The following RC3H2 variants were observed in gnomAD, a reference collection of about 807,000 sequenced individuals.
RC3H2 encodes the protein ring finger and CCCH-type domains 2.
In RC3H2, 31 loss-of-function variants were observed where a neutral mutation model predicts 133.3. That is an observed-to-expected ratio of 0.23 (90% CI 0.17 to 0.31). The LOEUF (loss-of-function observed/expected upper bound fraction) is 0.31, where lower values mean the gene tolerates loss of function less well. Ranked by LOEUF, RC3H2 falls within the 10% of genes least tolerant of loss-of-function variation. The probability of loss-of-function intolerance (pLI) is 1.00; values close to 1 mark genes in which losing one functional copy is unlikely to be tolerated. For missense variants in RC3H2, 1,175 were observed against 1,437.2 expected, an observed-to-expected ratio of 0.82 and a Z score of 2.95; for synonymous variants, 517 against 502.2, an observed-to-expected ratio of 1.03 and a Z score of -0.40.
intron 1 of RC3H2, chr9:122,897,925 C>CG: frequency 6.3e-6 from 1 of 158,498 alleles, no homozygotes; most frequent in Non-Finnish European, 1.4e-5. Flanking sequence ...GACTGCTGGG[C>CG]GGTTTTTTTG....
rs751890191 is a variant in RC3H2, at chr9:122,865,557, C to T, written c.1426G>A (p.Val476Ile). 6.2e-7 allele frequency: 1 copy of T among 1,614,186 alleles called. No homozygotes were observed. Among genetic ancestry groups the T allele is most frequent in the Non-Finnish European group, 8.5e-7 (1 of 1,180,012 alleles). Residue 476 changes from valine to isoleucine, a missense_variant, in exon 10 of 21, where the codon GTC (valine) becomes ATC (isoleucine). Val to Ile is a conservative substitution (Grantham distance 29). Around this residue, in one of 8 missense-constraint regions of RC3H2, gnomAD observed 490 missense variants for 492.8 expected, o/e 0.99. Transcript: ENST00000357244. ...TCAGTACTTCCTATGACAGAAATGA[C>T]ATTTCCGGCTGTGGTTGTGACAGTG... ...NNTVTTTAGN[V>I]ISVIGSTETT...
intron 1 of RC3H2, 22 bp downstream of exon 1, chr9:122,905,088 A>G: frequency 1.0e-6 from 1 of 985,280 alleles, no homozygotes; most frequent in Non-Finnish European, 1.2e-6. Flanking sequence ...CCCGAGCCGC[A>G]TCGTGCCCGC....
intron 4 of RC3H2, among the ~76,000 whole-genome samples, chr9:122,888,036 C>A (rs953555621): frequency 6.6e-6 from 1 of 152,028 alleles, no homozygotes; most frequent in Non-Finnish European, 1.5e-5. Flanking sequence ...TGAGCCACTG[C>A]GCCTGGCCTT....
intron 10 of RC3H2, among the ~76,000 whole-genome samples, 186 bp downstream of exon 10, chr9:122,865,163 C>T (rs1201061856): frequency 6.6e-6 from 1 of 152,164 alleles, no homozygotes; most frequent in African/African-American, 2.4e-5. Flanking sequence ...TCCAAGTTCA[C>T]AGGGCTATTC....
At chr9:122,853,903 C>A in intron 18 of RC3H2, 49 bp downstream of exon 18, 1 of 1,614,202 alleles carries the variant, frequency 6.2e-7, no homozygotes, top group Non-Finnish European at 8.5e-7. Context: ...GATGCAGCAG[C>A]AGAAAACAAA....
At position 122,849,523 on chromosome 9, in the gene RC3H2, T is replaced by G. The variant is rs1037795985; in HGVS notation, c.*104A>C. 2.4e-6 allele frequency: 1 copy of G among 413,176 alleles called. No homozygotes were observed. Among genetic ancestry groups the G allele is most frequent in the African/African-American group, 2.1e-5 (1 of 46,696 alleles). The allele number at this position is 413,176 out of a possible 1,614,324, so 25.6% of individuals were successfully genotyped here. A position where few individuals can be genotyped will look rare whatever the true frequency, so the allele number is the denominator to read the frequency against. On this transcript the variant is annotated 3_prime_UTR_variant, in exon 21 of 21. Coordinates refer to ENST00000357244, the MANE Select transcript of RC3H2 (RefSeq NM_001100588.3). ...GAAATGGATGCCCCCAGTAATATCT[T>G]TTTTTTAAAAAAAATATACATTATA...
rs180771635 is a variant in RC3H2 at position 122,862,120 on chromosome 9, A to C, written c.1635-1989T>G. On this transcript the variant is annotated intron_variant, in intron 10 of 20. Coordinates refer to ENST00000357244, the MANE Select transcript of RC3H2 (RefSeq NM_001100588.3). ...ATGGTAAACTCATAGACTTATCAAC[A>C]AAAAGGCAACAAGATCCATGATAAG... Among the ~76,000 whole-genome samples the C allele has an allele frequency of 2.6e-5, 4 of 152,342 alleles. No homozygotes were observed. The East Asian group carries it at 7.7e-4, about 29-fold the overall frequency.
chr9:122,867,413 G>T (rs1830751342), intron 9 of RC3H2, among the ~76,000 whole-genome samples: 2 of 144,774 alleles, frequency 1.4e-5, no homozygotes, highest in African/African-American at 5.1e-5. Context: ...GAGGTTGGGG[G>T]GTCAGCACCC....
At chr9:122,877,323 C>T (rs572176031) in intron 9 of RC3H2, 148 bp downstream of exon 9, 16 of 619,598 alleles carry the variant, frequency 2.6e-5, no homozygotes, top group South Asian at 2.5e-4. Flanking sequence ...GCCTCAGCCC[C>T]GCAAACTGCT....
At chr9:122,869,760 G>A (rs1358835572) in intron 9 of RC3H2, among the ~76,000 whole-genome samples, 1 of 151,850 alleles carries the variant, frequency 6.6e-6, no homozygotes, top group Non-Finnish European at 1.5e-5. Context: ...AGTAGAGATG[G>A]GGTTTCATCA....
At chr9:122,902,886 T>G (rs188164908) in intron 1 of RC3H2, among the ~76,000 whole-genome samples, 127 of 152,086 alleles carry the variant, frequency 8.4e-4, no homozygotes, top group African/African-American at 2.8e-3. Context: ...GCTAAAATTA[T>G]TTTTAGTAAT....
In RC3H2 at chr9:122,853,523, G is replaced by A. The variant is rs151307731; in HGVS notation, c.3117+429C>T. 3.4e-3 allele frequency among the ~76,000 whole-genome samples: 513 copies of A among 152,246 alleles called. 2 individuals are homozygous for A. Among genetic ancestry groups the A allele is most frequent in the Admixed American group, 6.6e-3 (101 of 15,292 alleles). On this transcript the variant is annotated intron_variant, in intron 18 of 20. Transcript: ENST00000357244. ...TCCTAGCACTTTGGGAAGGTGAGGC[G>A]AGCAGATCACTTGAGGTCAGGAGTT...
In RC3H2 at chr9:122,858,102, G is replaced by C. The variant is rs777893127; in HGVS notation, c.2284-9C>G. 15 of 1,612,152 alleles carry C rather than the reference G, an allele frequency of 9.3e-6. No homozygotes were observed. In the African/African-American group the frequency reaches 2.0e-4, roughly 22 times the overall value. ...AAATGACCACAAGGTTCCTAATGGG[G>C]GATAAAAGAAACAATCTTAATCATC... is the stretch of plus-strand genomic sequence containing the variant. On this transcript the variant is annotated splice_polypyrimidine_tract_variant and intron_variant, in intron 12 of 20. Transcript: ENST00000357244.
intron 9 of RC3H2, among the ~76,000 whole-genome samples, chr9:122,869,453 T>C (rs1019858425): frequency 5.3e-5 from 8 of 152,030 alleles, no homozygotes; most frequent in Non-Finnish European, 1.0e-4. Context: ...CATGTACACA[T>C]TGGCAGAGGA....
rs781322127 is a variant in RC3H2 at position 122,865,435 on chromosome 9, T to A, written c.1548A>T (p.Arg516Ser). 2.5e-6 allele frequency: 4 copies of A among 1,614,106 alleles called. No homozygotes were observed. The African/African-American group carries it at 5.3e-5, about 22-fold the overall frequency. Residue 516 changes from arginine to serine, a missense_variant, in exon 10 of 21, where the codon AGA becomes AGT. This residue lies in a region of RC3H2 where 490 missense variants were observed against 492.8 expected (regional missense o/e 0.99). Transcript: ENST00000357244. Reference sequence around the variant, plus strand: ...CCACTTTCTTCACGGTCTCCAGAGCTCTTAAGGTACTGTCAGTACTACGTG... The same window carrying A: ...CCACTTTCTTCACGGTCTCCAGAGCACTTAAGGTACTGTCAGTACTACGTG... Reference protein sequence around the residue: ...LISRSTDSTLRALETVKKVGK... With the variant: ...LISRSTDSTLSALETVKKVGK...
chr9:122,903,057 AACTGTC>A (rs1192414636), intron 1 of RC3H2, among the ~76,000 whole-genome samples: 1 of 152,182 alleles, frequency 6.6e-6, no homozygotes, highest in African/African-American at 2.4e-5. Context: ...TCAAATCTTC[AACTGTC>A]ACATGTGGCC....
chr9:122,867,085 C>A (rs1204956964), intron 9 of RC3H2, among the ~76,000 whole-genome samples: 3 of 137,110 alleles, frequency 2.2e-5, no homozygotes, highest in African/African-American at 8.1e-5. Context: ...AGCGTCTCTG[C>A]CCAGCCGCCC....
chr9:122,880,435 C>T, intron 6 of RC3H2, 159 bp downstream of exon 6: 1 of 702,666 alleles, frequency 1.4e-6, no homozygotes, highest in Non-Finnish European at 2.3e-6. Context: ...CTTTATTTTG[C>T]AAGTAGAAAA....
In RC3H2 at chr9:122,865,447, G is replaced by A. The variant is rs1830605543; in HGVS notation, c.1536C>T (p.Asp512=). 3.7e-6 allele frequency: 6 copies of A among 1,614,072 alleles called. No homozygotes were observed. The highest frequency in any genetic ancestry group is 3.3e-5 in the Admixed American group (2 of 60,004). The change falls in exon 10 of 21, where the codon GAC becomes GAT. Residue 512 remains aspartate, a synonymous_variant. Coordinates refer to ENST00000357244, the MANE Select transcript of RC3H2 (RefSeq NM_001100588.3). ...CGGTCTCCAGAGCTCTTAAGGTACT[G>A]TCAGTACTACGTGAGATTAGCTGGG... ...SVSQLISRST[D]STLRALETVK... is the part of the protein sequence containing the mutation.
Sources: gnomAD v4.1 joint callset for allele counts (sites outside exome capture counted in the v4.1 genomes callset) on GRCh38, gnomAD v4.1.1 for gene constraint, gnomAD v4.1.1 regional missense constraint, MANE v1.5 for transcripts, NCBI Gene and HGNC (gene_info 2026-07-23, HGNC 2026-07-21) for gene names.